The following IKZF3 variants were observed in gnomAD, a reference collection of about 807,000 sequenced individuals.
IKZF3 encodes the protein IKAROS family zinc finger 3.
IKZF3 carries 10 observed loss-of-function variants against 49.0 expected under a neutral mutation model. The ratio of observed to expected loss-of-function variants is 0.20; its 90% CI spans 0.13 to 0.35. IKZF3 has a LOEUF of 0.35. IKZF3 is among the 10% of genes least tolerant of loss of function. The pLI, the probability that IKZF3 is intolerant of heterozygous loss-of-function variation, is 1.00. For missense variants in IKZF3, 498 were observed against 664.8 expected (o/e 0.75, Z 2.76); for synonymous variants, 209 against 228.2 (o/e 0.92, Z 0.76).
At chr17:39,797,669 T>A (rs187699580) in intron 3 of IKZF3, among the ~76,000 whole-genome samples, 2 of 152,108 alleles carry the variant, frequency 1.3e-5, no homozygotes, top group African/African-American at 4.8e-5. Context: ...GTGATCCACC[T>A]GTCTTGGCCT....
At chr17:39,783,640 A>G (rs765541784) in intron 6 of IKZF3, among the ~76,000 whole-genome samples, 23 of 152,118 alleles carry the variant, frequency 1.5e-4, no homozygotes, top group Non-Finnish European at 3.4e-4. Flanking sequence ...TTTAAAAAGA[A>G]TAGGTTGGGG....
At chr17:39,849,362 A>T (rs1199133739) in intron 1 of IKZF3, among the ~76,000 whole-genome samples, 1 of 144,494 alleles carries the variant, frequency 6.9e-6, no homozygotes, top group Non-Finnish European at 1.5e-5. Flanking sequence ...CAACCCAATT[A>T]AAAAAAAAAA....
At chr17:39,767,745 T>C (rs2060330584) in intron 7 of IKZF3, among the ~76,000 whole-genome samples, 1 of 152,060 alleles carries the variant, frequency 6.6e-6, no homozygotes. Context: ...GACCTATATA[T>C]ATATAGAACT....
At chr17:39,801,974 C>A (rs894176584) in intron 3 of IKZF3, among the ~76,000 whole-genome samples, 12 of 152,004 alleles carry the variant, frequency 7.9e-5, no homozygotes, top group Non-Finnish European at 1.5e-4. Flanking sequence ...CGCCTGTAAT[C>A]CCAGCACTTT....
At chr17:39,860,228 ACTAT>A (rs1362352794) in intron 1 of IKZF3, among the ~76,000 whole-genome samples, 1 of 151,790 alleles carries the variant, frequency 6.6e-6, no homozygotes, top group African/African-American at 2.4e-5. Flanking sequence ...CAGAGCAAGG[ACTAT>A]CTCTTTAAAA....
chr17:39,850,344 G>A lies in IKZF3; in HGVS notation c.7+13776C>T, dbSNP rs1416971177. ...ATATAATATATAGCATATTATACAT[G>A]TACATATAATATATAGCATATTATA... is the stretch of plus-strand genomic sequence containing the variant. On this transcript the variant is annotated intron_variant, in intron 1 of 7. Coordinates refer to ENST00000346872, the MANE Select transcript of IKZF3 (RefSeq NM_012481.5). 1.9e-4 allele frequency among the ~76,000 whole-genome samples: 24 copies of A among 126,140 alleles called. No homozygotes were observed. The Admixed American group carries it at 1.9e-3, about 10-fold the overall frequency. The allele number at this position is 126,140 out of a possible 152,430, so 82.8% of individuals were successfully genotyped here.
At chr17:39,850,313 A>G (rs1420009790) in intron 1 of IKZF3, among the ~76,000 whole-genome samples, 1 of 137,584 alleles carries the variant, frequency 7.3e-6, no homozygotes, top group Non-Finnish European at 1.5e-5. Context: ...CATATTATAC[A>G]TGTACATATA....
intron 2 of IKZF3, 115 bp from the exon 3 acceptor site, chr17:39,829,603 T>C (rs978039907): frequency 5.8e-6 from 4 of 692,654 alleles, no homozygotes; most frequent in Non-Finnish European, 9.9e-6. Flanking sequence ...TAGTGACAGA[T>C]AGTACCCCTT....
At chr17:39,779,231 C>T (rs1391678398) in intron 6 of IKZF3, among the ~76,000 whole-genome samples, 8 of 152,122 alleles carry the variant, frequency 5.3e-5, no homozygotes, top group African/African-American at 7.2e-5. Flanking sequence ...AAGGCCGAGG[C>T]GGGCAGATCA....
chr17:39,801,880 A>G (rs2061326331), intron 3 of IKZF3, among the ~76,000 whole-genome samples: 1 of 152,126 alleles, frequency 6.6e-6, no homozygotes, highest in Admixed American at 6.5e-5. Flanking sequence ...AATTTTGAAA[A>G]TGCCTATTTT....
Position 39,759,858 on chromosome 17 carries a change from G to A in IKZF3, c.*5932C>T, listed in dbSNP as rs991589856. The A allele has an allele frequency of 6.6e-6, 1 of 152,220 alleles. No individual in the cohort carries two copies. The highest frequency in any genetic ancestry group is 2.4e-5 in the African/African-American group (1 of 41,436). 9.4% of individuals were successfully genotyped at this position (152,220 alleles called of 1,614,324 possible). A position where few individuals can be genotyped will look rare whatever the true frequency, so the allele number is the denominator to read the frequency against. On this transcript the variant is annotated 3_prime_UTR_variant, in exon 8 of 8. Coordinates refer to ENST00000346872, the MANE Select transcript of IKZF3 (RefSeq NM_012481.5). ...AAAAATAGCTTCCCATTCTCTAAAA[G>A]ATGAGGTATCACTATATATCGGGTT...
intron 5 of IKZF3, 138 bp from the exon 6 acceptor site, chr17:39,788,512 A>G: frequency 1.6e-6 from 1 of 608,594 alleles, no homozygotes; most frequent in South Asian, 2.0e-5. Flanking sequence ...TTGAATCTAT[A>G]TTTTAAATTT....
intron 3 of IKZF3, among the ~76,000 whole-genome samples, chr17:39,828,007 C>A (rs1329570919): frequency 6.6e-6 from 1 of 152,046 alleles, no homozygotes; most frequent in African/African-American, 2.4e-5. Flanking sequence ...ACAATTCTTG[C>A]CAAAGAGGAG....
intron 1 of IKZF3, chr17:39,835,551 T>C: frequency 2.3e-6 from 1 of 435,950 alleles, no homozygotes; most frequent in Non-Finnish European, 4.5e-6. Context: ...CTCCTCATAC[T>C]TGATCTGGTG....
chr17:39,788,220 C>T (rs761162104), intron 6 of IKZF3, 38 bp downstream of exon 6: 2 of 1,235,754 alleles, frequency 1.6e-6, no homozygotes, highest in Admixed American at 1.7e-5. Flanking sequence ...CCACCTAGGA[C>T]AGCAGATGCT....
chr17:39,777,023 T>C (rs972686618), intron 7 of IKZF3, among the ~76,000 whole-genome samples: 4 of 152,250 alleles, frequency 2.6e-5, no homozygotes, highest in African/African-American at 9.6e-5. Context: ...CAGCAAAATG[T>C]CTCTGCCATT....
chr17:39,833,856 T>C lies in IKZF3; in HGVS notation c.8-1705A>G, dbSNP rs552601960. Among the ~76,000 whole-genome samples, 22 of 152,322 alleles carry C rather than the reference T, an allele frequency of 1.4e-4. No individual in the cohort carries two copies. In the South Asian group the frequency reaches 4.6e-3, roughly 32 times the overall value. ...CCCTATTATTAACATCTTATATTAG[T>C]ATGGTACATCAGTTATAATTAATGA... On this transcript the variant is annotated intron_variant, in intron 1 of 7. Coordinates refer to ENST00000346872, the MANE Select transcript of IKZF3 (RefSeq NM_012481.5).
intron 3 of IKZF3, among the ~76,000 whole-genome samples, chr17:39,794,643 G>A (rs975606860): frequency 1.3e-5 from 2 of 152,164 alleles, no homozygotes; most frequent in Non-Finnish European, 2.9e-5. Context: ...AAGATGTAGG[G>A]CTGTAGGATA....
intron 7 of IKZF3, among the ~76,000 whole-genome samples, chr17:39,773,145 T>C (rs1202414530): frequency 6.6e-6 from 1 of 152,214 alleles, no homozygotes; most frequent in African/African-American, 2.4e-5. Context: ...ACCAGACTCC[T>C]TGCTGTCCAA....
Sources: allele counts gnomAD v4.1 joint callset (sites outside exome capture counted in the v4.1 genomes callset), GRCh38; gene constraint gnomAD v4.1.1; transcripts MANE v1.5; gene names NCBI Gene and HGNC (gene_info 2026-07-23, HGNC 2026-07-21).